Variants in COLEC12 observed in about 807,000 individuals in gnomAD.
COLEC12 encodes the protein collectin subfamily member 12, also known as collectin-12.
In COLEC12, 33 loss-of-function variants were observed where a neutral mutation model predicts 71.1. The observed-to-expected ratio is 0.46, with a 90% confidence interval of 0.35 to 0.62. The LOEUF (loss-of-function observed/expected upper bound fraction) is 0.62. COLEC12 is among the 20% of genes least tolerant of loss of function. The probability of loss-of-function intolerance (pLI) is 0.00; values close to 1 mark genes in which losing one functional copy is unlikely to be tolerated. For missense variants in COLEC12, 765 were observed against 916.1 expected (o/e 0.84, Z 2.13); for synonymous variants, 350 against 353.0 (o/e 0.99, Z 0.10).
intron 2 of COLEC12, among the ~76,000 whole-genome samples, chr18:411,195 A>G (rs924056482): frequency 6.6e-6 from 1 of 152,240 alleles, no homozygotes; most frequent in African/African-American, 2.4e-5. Flanking sequence ...CCTAAGCAGT[A>G]ATGAGGTGAT....
chr18:368,713 A>C (rs1162840093), intron 2 of COLEC12, among the ~76,000 whole-genome samples: 1 of 151,884 alleles, frequency 6.6e-6, no homozygotes, highest in Non-Finnish European at 1.5e-5. Flanking sequence ...AAAATACAAA[A>C]AAATTAGCCG....
chr18:454,950 T>G (rs1206284284), intron 2 of COLEC12, among the ~76,000 whole-genome samples: 1 of 152,170 alleles, frequency 6.6e-6, no homozygotes, highest in African/African-American at 2.4e-5. Context: ...CTTCCTATAC[T>G]CAGAATTTTG....
At chr18:457,595 T>C (rs1211583746) in intron 2 of COLEC12, among the ~76,000 whole-genome samples, 2 of 152,200 alleles carry the variant, frequency 1.3e-5, no homozygotes, top group Non-Finnish European at 2.9e-5. Context: ...AACGATCTTT[T>C]GGTGGAGTTT....
intron 2 of COLEC12, among the ~76,000 whole-genome samples, chr18:386,100 G>A (rs374661059): frequency 1.0e-4 from 10 of 98,908 alleles, no homozygotes; most frequent in African/African-American, 3.1e-4. Context: ...ACCTTTTGTG[G>A]GTGGGGGAGA....
intron 3 of COLEC12, among the ~76,000 whole-genome samples, chr18:349,350 G>A (rs1308756475): frequency 6.6e-6 from 1 of 152,234 alleles, no homozygotes; most frequent in African/African-American, 2.4e-5. Context: ...TTGAGCCTGT[G>A]AGTGCACAGA....
At position 346,281 on chromosome 18, in the gene COLEC12, G is replaced by T. The variant is rs756682256; in HGVS notation, c.1327+14C>A. The T allele has an allele frequency of 7.4e-5, 116 of 1,568,366 alleles. 1 individual carries two copies. The highest frequency in any genetic ancestry group is 9.1e-5 in the Non-Finnish European group (105 of 1,154,170). On this transcript the variant is annotated intron_variant, in intron 5 of 9. Coordinates refer to ENST00000400256, the MANE Select transcript of COLEC12 (RefSeq NM_130386.3). The surrounding 1 kb of genome is among the most constrained non-coding windows in gnomAD (Gnocchi z 4.0). The stretch of plus-strand genomic sequence containing the variant: ...AACAACTAATACAAATACAAATTCA[G>T]AATTTTGACTTACCTTGTAGTATTG...
chr18:467,440 G>A (rs1041591262), intron 2 of COLEC12, among the ~76,000 whole-genome samples: 7 of 152,200 alleles, frequency 4.6e-5, no homozygotes, highest in African/African-American at 1.7e-4. Flanking sequence ...TTCTTAAGAA[G>A]GGGCACAGCT....
chr18:364,887 G>T (rs1380282697), intron 2 of COLEC12, among the ~76,000 whole-genome samples: 1 of 152,288 alleles, frequency 6.6e-6, no homozygotes, highest in East Asian at 1.9e-4. Flanking sequence ...TTTTAGGAAA[G>T]TGGGGAGGTC....
chr18:368,601 A>T (rs1015563568), intron 2 of COLEC12, among the ~76,000 whole-genome samples: 4 of 151,982 alleles, frequency 2.6e-5, no homozygotes, highest in Admixed American at 6.6e-5. Flanking sequence ...GCGGTGGCTC[A>T]GGCCTGTAAT....
chr18:475,124 G>A (rs1316679020), intron 2 of COLEC12, among the ~76,000 whole-genome samples: 1 of 152,086 alleles, frequency 6.6e-6, no homozygotes, highest in Non-Finnish European at 1.5e-5. Context: ...ATTAGGATTT[G>A]TAAAACCACA....
intron 2 of COLEC12, among the ~76,000 whole-genome samples, chr18:426,343 T>A (rs1011511706): frequency 6.6e-5 from 10 of 152,208 alleles, no homozygotes; most frequent in Non-Finnish European, 1.5e-4. Flanking sequence ...TTCCAGGTTA[T>A]GTGATTCTAT....
Position 346,242 on chromosome 18 carries a change from GT to G in COLEC12, c.1327+52del. The G allele has an allele frequency of 7.6e-7, 1 of 1,317,872 alleles. No homozygotes were observed. Among genetic ancestry groups the G allele is most frequent in the Admixed American group, 2.1e-5 (1 of 48,756 alleles). The allele number at this position is 1,317,872 out of a possible 1,614,324, so 81.6% of individuals were successfully genotyped here. ...AAATTGCCAAGTTTTAGAGTAACTT[GT>G]TATGCAGCAATAAACAACTAATACA... On this transcript the variant is annotated intron_variant, in intron 5 of 9. Transcript: ENST00000400256. This position sits in a 1 kb window ranked among gnomAD's most constrained non-coding sequence, Gnocchi z 4.0.
intron 2 of COLEC12, among the ~76,000 whole-genome samples, chr18:466,248 A>T (rs1336337882): frequency 6.6e-6 from 1 of 152,088 alleles, no homozygotes; most frequent in Non-Finnish European, 1.5e-5. Context: ...TCAAAAAACA[A>T]AAAACAAATA....
intron 2 of COLEC12, among the ~76,000 whole-genome samples, chr18:361,587 G>A (rs73942873): frequency 0.01 from 1,548 of 152,136 alleles, 27 homozygotes; most frequent in African/African-American, 0.036. Flanking sequence ...CCACACACAC[G>A]GACCAGCGCA....
chr18:328,593 A>G (rs1391597308), intron 8 of COLEC12, among the ~76,000 whole-genome samples: 4 of 152,236 alleles, frequency 2.6e-5, no homozygotes, highest in Admixed American at 1.3e-4. Flanking sequence ...CTATTTCTTG[A>G]GCACTTCCTA....
chr18:340,213 C>T (rs980000088), intron 5 of COLEC12, among the ~76,000 whole-genome samples: 1 of 152,002 alleles, frequency 6.6e-6, no homozygotes, highest in Non-Finnish European at 1.5e-5. Flanking sequence ...TTGAGGTTTG[C>T]TTTCAAACTG....
chr18:468,791 C>T (rs774334958), intron 2 of COLEC12, among the ~76,000 whole-genome samples: 10 of 152,222 alleles, frequency 6.6e-5, no homozygotes, highest in East Asian at 1.9e-4. Flanking sequence ...TAAAGACTGG[C>T]GGTGCAAATT....
chr18:375,878 C>T (rs993699672), intron 2 of COLEC12, among the ~76,000 whole-genome samples: 2 of 152,142 alleles, frequency 1.3e-5, no homozygotes, highest in Non-Finnish European at 2.9e-5. Context: ...CTGTAAAACA[C>T]CTGAACGGCA....
At chr18:324,318 T>C (rs1014744770) in intron 8 of COLEC12, among the ~76,000 whole-genome samples, 5 of 152,338 alleles carry the variant, frequency 3.3e-5, no homozygotes, top group African/African-American at 7.2e-5. Context: ...AGGTAGATTC[T>C]GGCAAGATGA....
Sources: allele counts gnomAD v4.1 joint callset (sites outside exome capture counted in the v4.1 genomes callset), GRCh38; gene constraint gnomAD v4.1.1; non-coding constraint Gnocchi (gnomAD v3.1); transcripts MANE v1.5; gene names NCBI Gene and HGNC (gene_info 2026-07-23, HGNC 2026-07-21).